RAD51B: variants seen among roughly 807,000 people sequenced by gnomAD.
RAD51B encodes the protein RAD51 paralog B.
Under a neutral mutation model 42.2 loss-of-function variants are expected in RAD51B, and 38 were observed. The observed-to-expected ratio is 0.90, with a 90% CI of 0.70 to 1.18. The LOEUF (loss-of-function observed/expected upper bound fraction) is 1.18. RAD51B is among the 50% of genes most tolerant of loss of function. The pLI, the probability that RAD51B is intolerant of heterozygous loss-of-function variation, is 0.00. For missense variants in RAD51B, 373 were observed against 400.7 expected (o/e 0.93, Z 0.59); for synonymous variants, 154 against 145.2 (o/e 1.06, Z -0.43).
chr14:68,114,058 G>A (rs1163327149), intron 7 of RAD51B: 1 of 152,092 alleles, frequency 6.6e-6, no homozygotes, highest in African/African-American at 2.4e-5. Context: ...GATGAAAGAA[G>A]ACTTAATCTT....
chr14:68,075,930 C>T (rs1222489846), intron 7 of RAD51B, among the ~76,000 whole-genome samples: 1 of 152,252 alleles, frequency 6.6e-6, no homozygotes, highest in Middle Eastern at 3.2e-3. Flanking sequence ...TGTCAGTTGT[C>T]TCTGGGATGT....
At chr14:68,589,763 T>C (rs1467908858) in intron 10 of RAD51B, among the ~76,000 whole-genome samples, 2 of 152,218 alleles carry the variant, frequency 1.3e-5, no homozygotes, top group Non-Finnish European at 2.9e-5. Flanking sequence ...TTTCCATTCT[T>C]GCCTCTCTTC....
chr14:68,441,996 A>G (rs2085308897), intron 9 of RAD51B, among the ~76,000 whole-genome samples: 1 of 152,220 alleles, frequency 6.6e-6, no homozygotes, highest in South Asian at 2.1e-4. Flanking sequence ...CTTGGAATCC[A>G]CTGGCAGAGC....
At chr14:68,067,472 A>AC (rs1566619092) in intron 7 of RAD51B, among the ~76,000 whole-genome samples, 4 of 150,496 alleles carry the variant, frequency 2.7e-5, no homozygotes, top group African/African-American at 9.9e-5. Context: ...TCGGAAAAAA[A>AC]AAAACAAAAA....
intron 7 of RAD51B, among the ~76,000 whole-genome samples, chr14:68,201,009 T>C (rs1021253538): frequency 2.0e-5 from 3 of 152,162 alleles, no homozygotes; most frequent in Admixed American, 1.3e-4. Flanking sequence ...CAGAAGCTAC[T>C]GGTAATACTA....
intron 7 of RAD51B, among the ~76,000 whole-genome samples, chr14:68,200,089 A>C (rs934385766): frequency 4.6e-5 from 7 of 152,222 alleles, no homozygotes; most frequent in African/African-American, 1.7e-4. Flanking sequence ...TAACCGCATG[A>C]CAGCAGCAGA....
intron 10 of RAD51B, among the ~76,000 whole-genome samples, chr14:68,484,363 T>TTTTTTTC (rs1883449637): frequency 6.7e-6 from 1 of 148,774 alleles, no homozygotes; most frequent in African/African-American, 2.5e-5. Flanking sequence ...CTTTTTCTTT[T>TTTTTTTC]TTTTTTTTTT....
chr14:67,824,305 T>C (rs1476040179), intron 2 of RAD51B, among the ~76,000 whole-genome samples: 1 of 152,232 alleles, frequency 6.6e-6, no homozygotes, highest in East Asian at 1.9e-4. Context: ...TTGCCCAGGC[T>C]GGAGTACAGT....
At chr14:68,651,727 A>G (rs1180477211) in intron 11 of RAD51B, among the ~76,000 whole-genome samples, 1 of 152,208 alleles carries the variant, frequency 6.6e-6, no homozygotes, top group Non-Finnish European at 1.5e-5. Flanking sequence ...GTCTCTTTAA[A>G]AGGCTGCCTG....
chr14:68,304,604 G>A (rs563233767), intron 8 of RAD51B, among the ~76,000 whole-genome samples: 18 of 152,214 alleles, frequency 1.2e-4, no homozygotes, highest in Non-Finnish European at 2.5e-4. Flanking sequence ...ATAGTCAGTA[G>A]AAAAGCAGTG....
intron 10 of RAD51B, among the ~76,000 whole-genome samples, chr14:68,574,904 G>A (rs188106775): frequency 5.9e-5 from 9 of 152,248 alleles, no homozygotes; most frequent in Admixed American, 1.3e-4. Flanking sequence ...GGGGGATTGG[G>A]GAAATAAGCC....
chr14:68,402,649 G>A (rs1284528253), intron 8 of RAD51B, among the ~76,000 whole-genome samples: 1 of 152,186 alleles, frequency 6.6e-6, no homozygotes, highest in Non-Finnish European at 1.5e-5. Flanking sequence ...AAGAACCCAT[G>A]CCTGTGCTCT....
At chr14:67,898,539 A>T (rs1385120988) in intron 7 of RAD51B, among the ~76,000 whole-genome samples, 1 of 152,208 alleles carries the variant, frequency 6.6e-6, no homozygotes, top group East Asian at 1.9e-4. Flanking sequence ...ATACTTAAGC[A>T]TTTGTTGAAA....
At chr14:68,426,242 AT>A (rs55840994) in intron 9 of RAD51B, among the ~76,000 whole-genome samples, 9,264 of 135,004 alleles carry the variant, frequency 0.069, 385 homozygotes, top group Non-Finnish European at 0.099. Context: ...CTAATTTTGT[AT>A]TTTTTTTTTT....
Position 68,361,121 on chromosome 14 carries a change from A to G in RAD51B, c.854-50303A>G, listed in dbSNP as rs73274181. Among the ~76,000 whole-genome samples, 3 of 152,198 alleles carry G rather than the reference A, an allele frequency of 2.0e-5. No homozygotes were observed. In the South Asian group the frequency reaches 6.2e-4, roughly 32 times the overall value. On this transcript the variant is annotated intron_variant, in intron 8 of 10. Transcript: ENST00000471583. ...GTTTCTGTGATTCCCTTTAGGGGAGATGGGAGACAAGGAGGGCAGGAGAAG... is the reference window on the plus strand; with the variant it reads ...GTTTCTGTGATTCCCTTTAGGGGAGGTGGGAGACAAGGAGGGCAGGAGAAG...
chr14:68,087,471 T>C (rs138167588), intron 7 of RAD51B, among the ~76,000 whole-genome samples: 4 of 152,282 alleles, frequency 2.6e-5, no homozygotes, highest in African/African-American at 9.6e-5. Context: ...TTACTGATTG[T>C]AGAAAACTCT....
chr14:67,909,246 A>C (rs2043884195), intron 7 of RAD51B, among the ~76,000 whole-genome samples: 1 of 152,122 alleles, frequency 6.6e-6, no homozygotes, highest in Admixed American at 6.5e-5. Flanking sequence ...AAAGACTAAC[A>C]CTCTAGATGT....
At chr14:67,915,823 T>A (rs1157066325) in intron 7 of RAD51B, among the ~76,000 whole-genome samples, 1 of 152,192 alleles carries the variant, frequency 6.6e-6, no homozygotes, top group Non-Finnish European at 1.5e-5. Flanking sequence ...AAGAAAATAA[T>A]ATTTCCTATT....
intron 7 of RAD51B, among the ~76,000 whole-genome samples, chr14:68,223,279 T>C (rs1025073526): frequency 1.3e-5 from 2 of 152,238 alleles, no homozygotes; most frequent in Non-Finnish European, 2.9e-5. Context: ...TCATTACTTA[T>C]TAGCCTTGCC....
Sources: allele counts gnomAD v4.1 joint callset (sites outside exome capture counted in the v4.1 genomes callset), GRCh38; gene constraint gnomAD v4.1.1; transcripts MANE v1.5; gene names NCBI Gene and HGNC (gene_info 2026-07-23, HGNC 2026-07-21).